Variants in DCC observed in about 807,000 individuals in gnomAD.
The protein encoded by DCC is netrin receptor DCC.
In DCC, 58 loss-of-function variants were observed where a neutral mutation model predicts 172.5. That is an observed-to-expected ratio of 0.34 (90% confidence interval 0.27 to 0.42). DCC has a LOEUF of 0.42. Among genes scored for constraint, DCC ranks in the 10% least tolerant of loss-of-function variants. The pLI is 1.00. For synonymous variants in DCC, 709 were observed against 644.5 expected, an observed-to-expected ratio of 1.10 and a Z score of -1.52; for missense variants, 1,740 against 1,791.0, an observed-to-expected ratio of 0.97 and a Z score of 0.51.
At chr18:52,840,779 T>C (rs1014642162) in intron 2 of DCC, among the ~76,000 whole-genome samples, 1 of 152,196 alleles carries the variant, frequency 6.6e-6, no homozygotes, top group African/African-American at 2.4e-5. Context: ...CATTAACATA[T>C]TTATTCAAAA....
At chr18:53,524,077 C>T (rs1910128) in intron 27 of DCC, among the ~76,000 whole-genome samples, 4,231 of 151,710 alleles carry the variant, frequency 0.028, 191 homozygotes, top group African/African-American at 0.095. Context: ...TATATTGTGG[C>T]GATTAGAGTT....
intron 5 of DCC, among the ~76,000 whole-genome samples, chr18:52,968,106 G>A (rs981508131): frequency 6.6e-6 from 1 of 152,108 alleles, no homozygotes; most frequent in African/African-American, 2.4e-5. Context: ...CCAAGAATTA[G>A]AATAGATTTT....
intron 8 of DCC, among the ~76,000 whole-genome samples, chr18:53,167,617 T>C (rs2054942006): frequency 6.6e-6 from 1 of 152,170 alleles, no homozygotes; most frequent in African/African-American, 2.4e-5. Flanking sequence ...ATTTAAAAAA[T>C]TATGAGCCCC....
intron 8 of DCC, among the ~76,000 whole-genome samples, chr18:53,158,985 T>G (rs2054791993): frequency 2.2e-5 from 1 of 46,218 alleles, no homozygotes; most frequent in Non-Finnish European, 4.0e-5. Context: ...AGAGACGCCA[T>G]CTCAAAAAAA....
In DCC at chr18:53,532,449, A is replaced by C. The variant is rs1598858316; in HGVS notation, c.*1796A>C. ...AAGAGTGCTCATTCAAGTTACTCAG[A>C]TTTTCTGGAAGTCTTTTCTGAAGAG... On this transcript the variant is annotated 3_prime_UTR_variant, in exon 29 of 29. Transcript: ENST00000442544. 6.6e-6 allele frequency: 1 copy of C among 152,124 alleles called. No homozygotes were observed. The highest frequency in any genetic ancestry group is 2.4e-5 in the African/African-American group (1 of 41,418). 9.4% of individuals were successfully genotyped at this position (152,124 alleles called of 1,614,324 possible).
chr18:52,994,615 A>G (rs1385357640), intron 5 of DCC, among the ~76,000 whole-genome samples: 2 of 152,144 alleles, frequency 1.3e-5, no homozygotes, highest in Non-Finnish European at 2.9e-5. Flanking sequence ...CTGACTGCAA[A>G]TTAAATTTAG....
chr18:52,573,223 AT>A (rs1201840388), intron 1 of DCC, among the ~76,000 whole-genome samples: 1 of 152,174 alleles, frequency 6.6e-6, no homozygotes, highest in Non-Finnish European at 1.5e-5. Context: ...AAAAATACAT[AT>A]TTAAATGTAT....
chr18:53,485,964 C>T, intron 25 of DCC, among the ~76,000 whole-genome samples: 1 of 151,902 alleles, frequency 6.6e-6, no homozygotes, highest in East Asian at 1.9e-4. Context: ...GAATATACTG[C>T]TAAAACTGAT....
At chr18:52,587,336 G>A (rs1184933773) in intron 1 of DCC, among the ~76,000 whole-genome samples, 2 of 152,170 alleles carry the variant, frequency 1.3e-5, no homozygotes, top group Admixed American at 6.5e-5. Flanking sequence ...GACCCATTGG[G>A]CGATGACAAG....
intron 9 of DCC, among the ~76,000 whole-genome samples, chr18:53,186,216 T>C (rs1274001396): frequency 1.3e-5 from 2 of 152,168 alleles, no homozygotes; most frequent in Non-Finnish European, 2.9e-5. Context: ...TTCTCATAGA[T>C]AGACATAAGG....
At chr18:52,565,688 G>GT (rs529761938) in intron 1 of DCC, among the ~76,000 whole-genome samples, 179 of 152,094 alleles carry the variant, frequency 1.2e-3, no homozygotes, top group Non-Finnish European at 2.0e-3. Flanking sequence ...TGATGGGGTT[G>GT]TTTTTTTCTT....
chr18:53,475,695 C>T (rs1381608859), intron 25 of DCC, among the ~76,000 whole-genome samples: 1 of 152,314 alleles, frequency 6.6e-6, no homozygotes, highest in Admixed American at 6.5e-5. Context: ...TCATGTAGAA[C>T]CTCTGCTAGG....
intron 7 of DCC, among the ~76,000 whole-genome samples, chr18:53,120,309 C>G (rs940302377): frequency 2.0e-5 from 3 of 151,342 alleles, no homozygotes; most frequent in Non-Finnish European, 3.0e-5. Context: ...TATAGAATTG[C>G]GTTTTAAATT....
At chr18:53,279,840 A>T (rs2056850465) in intron 12 of DCC, among the ~76,000 whole-genome samples, 1 of 152,094 alleles carries the variant, frequency 6.6e-6, no homozygotes, top group Non-Finnish European at 1.5e-5. Flanking sequence ...AGGAACAGAA[A>T]ACCAAATACT....
intron 1 of DCC, among the ~76,000 whole-genome samples, chr18:52,639,064 G>T (rs1241225194): frequency 6.6e-6 from 1 of 152,020 alleles, no homozygotes; most frequent in African/African-American, 2.4e-5. Context: ...AATGAGCATT[G>T]GGTCAAAAAC....
chr18:52,931,463 G>A (rs1029540809), intron 5 of DCC, among the ~76,000 whole-genome samples: 2 of 151,952 alleles, frequency 1.3e-5, no homozygotes, highest in East Asian at 3.9e-4. Flanking sequence ...GTCCTTTCTT[G>A]TACTTAACTG....
At chr18:52,512,637 A>T (rs911517935) in intron 1 of DCC, among the ~76,000 whole-genome samples, 3 of 152,214 alleles carry the variant, frequency 2.0e-5, no homozygotes, top group African/African-American at 7.2e-5. Context: ...AGCGCTTAGT[A>T]TTCAGTCATA....
chr18:52,753,447 A>T (rs77282284), intron 2 of DCC, among the ~76,000 whole-genome samples: 408 of 152,348 alleles, frequency 2.7e-3, no homozygotes, highest in East Asian at 0.021. Flanking sequence ...TCTCATTAAC[A>T]GAAAAATATT....
At chr18:52,917,057 C>A (rs1341157344) in intron 3 of DCC, among the ~76,000 whole-genome samples, 1 of 127,322 alleles carries the variant, frequency 7.9e-6, no homozygotes, top group South Asian at 2.3e-4. Flanking sequence ...CTGAGACAGG[C>A]AGATTGCTTG....
Sources: allele counts gnomAD v4.1 joint callset (sites outside exome capture counted in the v4.1 genomes callset), GRCh38; gene constraint gnomAD v4.1.1; transcripts MANE v1.5; gene names NCBI Gene and HGNC (gene_info 2026-07-23, HGNC 2026-07-21).